The following RUNX1 variants were observed in gnomAD, a reference collection of about 807,000 sequenced individuals.
RUNX1 encodes the protein runt-related transcription factor 1.
RUNX1 carries 19 observed loss-of-function variants against 42.8 expected under a neutral mutation model. The observed-to-expected ratio is 0.44, with a 90% CI of 0.31 to 0.65. RUNX1 has a LOEUF of 0.65. RUNX1 is among the 30% of genes least tolerant of loss of function. RUNX1 has a pLI of 0.07. For synonymous variants in RUNX1, 271 were observed against 289.4 expected (o/e 0.94, Z 0.64); for missense variants, 528 against 672.0 (o/e 0.79, Z 2.37).
chr21:34,925,831 G>A (rs760659409), intron 2 of RUNX1, among the ~76,000 whole-genome samples: 6 of 152,164 alleles, frequency 3.9e-5, no homozygotes, highest in Non-Finnish European at 5.9e-5. Context: ...TAATTGGTAC[G>A]TAAATGTTGA....
At chr21:34,919,845 G>A (rs1311991338) in intron 2 of RUNX1, among the ~76,000 whole-genome samples, 1 of 152,174 alleles carries the variant, frequency 6.6e-6, no homozygotes, top group East Asian at 1.9e-4. Context: ...GAATCAAATT[G>A]TGAAAGGAAC....
At chr21:34,939,177 A>AT (rs1210098112) in intron 2 of RUNX1, among the ~76,000 whole-genome samples, 10 of 152,346 alleles carry the variant, frequency 6.6e-5, no homozygotes, top group African/African-American at 2.4e-4. Flanking sequence ...CAAATGTTAG[A>AT]TTTTCCACAA....
At chr21:34,939,940 T>G (rs1165048933) in intron 2 of RUNX1, among the ~76,000 whole-genome samples, 5 of 152,172 alleles carry the variant, frequency 3.3e-5, no homozygotes, top group Non-Finnish European at 7.3e-5. Context: ...CTCCCCTTCC[T>G]ATTTTCTTTT....
chr21:34,999,632 C>T lies in RUNX1; in HGVS notation c.58+49210G>A, dbSNP rs1261048525. 2.0e-5 allele frequency among the ~76,000 whole-genome samples: 3 copies of T among 152,228 alleles called. No homozygotes were observed. The South Asian group carries it at 6.2e-4, about 32-fold the overall frequency. On this transcript the variant is annotated intron_variant, in intron 2 of 8. Coordinates refer to ENST00000675419, the MANE Select transcript of RUNX1 (RefSeq NM_001754.5). ...GAAAACACACACACAATCTAGTGTT[C>T]GACATGTGGGGACCGAGATGAAAGG...
chr21:34,827,054 G>A (rs147088793), intron 7 of RUNX1, among the ~76,000 whole-genome samples: 12 of 152,354 alleles, frequency 7.9e-5, no homozygotes, highest in Non-Finnish European at 1.5e-4. Context: ...TTAAGTGTAT[G>A]TGACCAGAGT....
rs1463272999 is a variant in RUNX1, at chr21:34,792,231, C to G, written c.1347G>C (p.Gln449His). The G allele has an allele frequency of 3.2e-6, 5 of 1,540,230 alleles. No homozygotes were observed. The highest frequency in any genetic ancestry group is 4.4e-6 in the Non-Finnish European group (5 of 1,149,056). Residue 449 changes from glutamine to histidine, a missense_variant, in exon 9 of 9, where the codon CAG becomes CAC. Transcript: ENST00000675419. The surrounding 1 kb of genome is among the most constrained non-coding windows in gnomAD (Gnocchi z 6.9). ...SALLNPSLPN[Q>H]SDVVEAEGSH... ...TGCCCTCGGCCTCCACCACGTCGCT[C>G]TGGTTCGGGAGGCTGGGGTTGAGCA...
At chr21:34,929,619 T>TA (rs1233281736) in intron 2 of RUNX1, among the ~76,000 whole-genome samples, 3 of 152,182 alleles carry the variant, frequency 2.0e-5, no homozygotes, top group African/African-American at 7.2e-5. Context: ...TGGTTTTGAA[T>TA]AAAATACCAG....
At chr21:34,914,479 C>A (rs1342127807) in intron 2 of RUNX1, among the ~76,000 whole-genome samples, 1 of 152,134 alleles carries the variant, frequency 6.6e-6, no homozygotes, top group Non-Finnish European at 1.5e-5. Context: ...CTACTGTACC[C>A]ACAATATGAA....
rs755054505 is a variant in RUNX1 at position 34,792,225 on chromosome 21, G to T, written c.1353C>A (p.Asp451Glu). 7 of 1,540,200 alleles carry T rather than the reference G, an allele frequency of 4.5e-6. No homozygotes were observed. Among genetic ancestry groups the T allele is most frequent in the Non-Finnish European group, 2.6e-6 (3 of 1,149,166 alleles). Residue 451 changes from aspartate to glutamate, a missense_variant, in exon 9 of 9, where the codon GAC becomes GAA. By Grantham distance (45) the Asp-to-Glu change is conservative. Around this residue, in one of 3 missense-constraint regions of RUNX1, gnomAD observed 331 missense variants for 382.5 expected, o/e 0.87. Coordinates refer to ENST00000675419, the MANE Select transcript of RUNX1 (RefSeq NM_001754.5). This position sits in a 1 kb window ranked among gnomAD's most constrained non-coding sequence, Gnocchi z 6.9. The part of the protein sequence containing the change: ...LLNPSLPNQS[D>E]VVEAEGSHSN... ...TGTGGCTGCCCTCGGCCTCCACCAC[G>T]TCGCTCTGGTTCGGGAGGCTGGGGT...
chr21:35,043,928 T>C (rs1182571216), intron 2 of RUNX1, among the ~76,000 whole-genome samples: 1 of 152,190 alleles, frequency 6.6e-6, no homozygotes, highest in Non-Finnish European at 1.5e-5. Context: ...AAATGGCCTT[T>C]TCCTTAAGAA....
rs563720288 is a variant in RUNX1, at chr21:34,950,548, G to A, written c.59-57585C>T. ...GAGGTCAGGAGTTCAAGACCAGCCC[G>A]GCCAACACGGCAAAACCCCATCTCT... On this transcript the variant is annotated intron_variant, in intron 2 of 8. Coordinates refer to ENST00000675419, the MANE Select transcript of RUNX1 (RefSeq NM_001754.5). Among the ~76,000 whole-genome samples the A allele has an allele frequency of 5.3e-4, 80 of 152,244 alleles. 1 individual carries two copies. The Middle Eastern group carries it at 0.014, about 26-fold the overall frequency.
At chr21:34,979,627 G>A (rs2058831657) in intron 2 of RUNX1, among the ~76,000 whole-genome samples, 1 of 152,140 alleles carries the variant, frequency 6.6e-6, no homozygotes, top group Non-Finnish European at 1.5e-5. Flanking sequence ...CTTCTGAATG[G>A]TTGTTACCAG....
At chr21:35,044,902 T>G (rs1015407533) in intron 2 of RUNX1, among the ~76,000 whole-genome samples, 2 of 152,236 alleles carry the variant, frequency 1.3e-5, no homozygotes, top group Non-Finnish European at 2.9e-5. Context: ...ATCGGGTCAG[T>G]TGCTGTTTCC....
chr21:34,983,208 G>A (rs2058860528), intron 2 of RUNX1, among the ~76,000 whole-genome samples: 1 of 152,170 alleles, frequency 6.6e-6, no homozygotes, highest in South Asian at 2.1e-4. Context: ...GTTTTTCACT[G>A]TAGCTTCTAG....
intron 2 of RUNX1, among the ~76,000 whole-genome samples, chr21:34,935,319 G>T (rs2146610695): frequency 6.6e-6 from 1 of 152,202 alleles, no homozygotes; most frequent in Admixed American, 6.5e-5. Flanking sequence ...TTAAACCTTG[G>T]TTTAAATCCT....
intron 2 of RUNX1, among the ~76,000 whole-genome samples, chr21:35,046,379 T>C (rs781723275): frequency 3.3e-4 from 51 of 152,248 alleles, no homozygotes; most frequent in Non-Finnish European, 6.5e-4. Context: ...TCTGTGAGAA[T>C]TGCATGGACT....
At chr21:35,017,514 T>C (rs1024812118) in intron 2 of RUNX1, among the ~76,000 whole-genome samples, 2 of 152,144 alleles carry the variant, frequency 1.3e-5, no homozygotes, top group Non-Finnish European at 2.9e-5. Flanking sequence ...CCAGTTGTGA[T>C]AGGGGCCAAG....
intron 2 of RUNX1, among the ~76,000 whole-genome samples, chr21:34,969,422 G>A (rs62216442): frequency 0.41 from 61,740 of 151,818 alleles, 13,370 homozygotes; most frequent in East Asian, 0.56. Context: ...CAGAAAATGG[G>A]GATGGGAGAA....
intron 2 of RUNX1, among the ~76,000 whole-genome samples, chr21:34,960,710 T>C (rs1175098422): frequency 6.6e-6 from 1 of 152,198 alleles, no homozygotes; most frequent in Non-Finnish European, 1.5e-5. Flanking sequence ...TATTTTTTGT[T>C]GCTTGTGTAT....
Sources: gnomAD v4.1 joint callset for allele counts (sites outside exome capture counted in the v4.1 genomes callset) on GRCh38, gnomAD v4.1.1 for gene constraint, gnomAD v4.1.1 regional missense constraint, Gnocchi (gnomAD v3.1) non-coding constraint, MANE v1.5 for transcripts, NCBI Gene and HGNC (gene_info 2026-07-23, HGNC 2026-07-21) for gene names.